Variants in PDE4D observed in about 807,000 individuals in gnomAD.
PDE4D encodes the protein phosphodiesterase 4D, also known as 3',5'-cyclic-AMP phosphodiesterase 4D.
Under a neutral mutation model 87.4 loss-of-function variants are expected in PDE4D, and 24 were observed. The ratio of observed to expected loss-of-function variants is 0.27; its 90% CI spans 0.20 to 0.39. The LOEUF is 0.39. PDE4D is among the 10% of genes least tolerant of loss of function. The pLI, the probability that PDE4D is intolerant of heterozygous loss-of-function variation, is 1.00. For missense variants in PDE4D, 714 were observed against 1,041.0 expected (o/e 0.69, Z 4.32); for synonymous variants, 384 against 383.2 (o/e 1.00, Z -0.02).
intron 1 of PDE4D, among the ~76,000 whole-genome samples, chr5:59,845,166 A>T (rs1251511582): frequency 6.6e-6 from 1 of 152,054 alleles, no homozygotes; most frequent in Admixed American, 6.6e-5. Context: ...GCCTCTTGAG[A>T]CTCTGATACG....
chr5:59,655,824 T>A (rs572858681), intron 1 of PDE4D, among the ~76,000 whole-genome samples: 1 of 152,290 alleles, frequency 6.6e-6, no homozygotes, highest in East Asian at 1.9e-4. Context: ...AAATCAAGAT[T>A]TAAGCAGGCT....
chr5:59,082,718 T>C (rs921712848), intron 5 of PDE4D, among the ~76,000 whole-genome samples: 2 of 151,726 alleles, frequency 1.3e-5, no homozygotes, highest in African/African-American at 4.8e-5. Flanking sequence ...ATGGGAAGAG[T>C]CAATATTATA....
chr5:59,015,327 T>G (rs1753749255), intron 6 of PDE4D, among the ~76,000 whole-genome samples: 1 of 151,760 alleles, frequency 6.6e-6, no homozygotes, highest in South Asian at 2.1e-4. Flanking sequence ...ACCATCAGAG[T>G]GAACAGGCAA....
At position 60,039,495 on chromosome 5, in the gene PDE4D, T is replaced by A. The variant is rs563510382; in HGVS notation, c.43-50778A>T. On this transcript the variant is annotated intron_variant, in intron 2 of 16. Transcript: ENST00000502484. ...GATATACCTAATGCTAAATGACAAG[T>A]TAATGGGTGCAGCACACCAGCATGG... is the stretch of plus-strand genomic sequence containing the variant. Among the ~76,000 whole-genome samples the A allele has an allele frequency of 2.9e-3, 437 of 151,694 alleles. 4 individuals are homozygous for A. Among genetic ancestry groups the A allele is most frequent in the Non-Finnish European group, 4.6e-3 (310 of 67,944 alleles).
intron 1 of PDE4D, among the ~76,000 whole-genome samples, chr5:59,713,705 G>A (rs1377045463): frequency 2.0e-5 from 3 of 152,184 alleles, no homozygotes; most frequent in Non-Finnish European, 4.4e-5. Context: ...GGTGAACTCT[G>A]TTGGAAACCT....
intron 1 of PDE4D, among the ~76,000 whole-genome samples, chr5:59,861,520 C>A (rs1169260599): frequency 1.3e-5 from 2 of 152,148 alleles, no homozygotes; most frequent in Non-Finnish European, 2.9e-5. Context: ...ATGGAGCAAC[C>A]ATTCGAAACA....
In PDE4D at chr5:60,079,577, T is replaced by C. The variant is rs149289200; in HGVS notation, c.43-90860A>G. 6.5e-3 allele frequency among the ~76,000 whole-genome samples: 986 copies of C among 152,338 alleles called. 16 individuals carry two copies. The highest frequency in any genetic ancestry group is 0.046 in the East Asian group (241 of 5,188). ...ATAAGGTATAAAGAAGGGGTCCAGTTTCTGTTTTCTGCATTTGGCTAGCCA... is the reference window on the plus strand; with the variant it reads ...ATAAGGTATAAAGAAGGGGTCCAGTCTCTGTTTTCTGCATTTGGCTAGCCA... On this transcript the variant is annotated intron_variant, in intron 2 of 16. Transcript: ENST00000502484.
chr5:60,097,288 T>TGTGTGTGTGTGTGTGTGTG (rs1562088754), intron 2 of PDE4D, among the ~76,000 whole-genome samples: 1 of 151,568 alleles, frequency 6.6e-6, no homozygotes, highest in Non-Finnish European at 1.5e-5. Flanking sequence ...TGTGTGTGTG[T>TGTGTGTGTGTGTGTGTGTG]TTAACAAATA....
intron 1 of PDE4D, among the ~76,000 whole-genome samples, chr5:59,482,119 T>A (rs1236310111): frequency 6.6e-6 from 1 of 152,134 alleles, no homozygotes; most frequent in Non-Finnish European, 1.5e-5. Context: ...GTCTCTAGGC[T>A]AGCTACAACA....
intron 5 of PDE4D, among the ~76,000 whole-genome samples, chr5:59,147,643 T>A (rs1180279192): frequency 6.6e-6 from 1 of 152,242 alleles, no homozygotes; most frequent in Non-Finnish European, 1.5e-5. Flanking sequence ...TTCAACACTT[T>A]AATTAAATGG....
At chr5:60,462,215 A>G (rs1747002717) in intron 1 of PDE4D, among the ~76,000 whole-genome samples, 1 of 152,090 alleles carries the variant, frequency 6.6e-6, no homozygotes, top group Non-Finnish European at 1.5e-5. Context: ...TCCTGCCCCA[A>G]GTGGTCCGAA....
At chr5:60,171,374 G>A (rs1451623383) in intron 2 of PDE4D, among the ~76,000 whole-genome samples, 3 of 151,984 alleles carry the variant, frequency 2.0e-5, no homozygotes, top group Non-Finnish European at 4.4e-5. Flanking sequence ...AGGCTGTTGT[G>A]CGTTTTCAGA....
At chr5:59,883,759 T>C (rs1749782073) in intron 1 of PDE4D, among the ~76,000 whole-genome samples, 2 of 152,280 alleles carry the variant, frequency 1.3e-5, no homozygotes, top group Non-Finnish European at 2.9e-5. Flanking sequence ...GATTAGTTGA[T>C]AGGAAGATCA....
intron 1 of PDE4D, among the ~76,000 whole-genome samples, chr5:60,450,020 A>C (rs1022346467): frequency 6.6e-6 from 1 of 151,374 alleles, no homozygotes; most frequent in African/African-American, 2.4e-5. Flanking sequence ...TATATACACC[A>C]AAAAACAAGT....
intron 4 of PDE4D, among the ~76,000 whole-genome samples, chr5:59,182,267 TA>T (rs1417117500): frequency 2.1e-5 from 3 of 142,620 alleles, no homozygotes; most frequent in Non-Finnish European, 4.6e-5. Context: ...TTTTTTTTTT[TA>T]AAGTTTTGAG....
At chr5:60,217,354 T>C (rs983360998) in intron 1 of PDE4D, among the ~76,000 whole-genome samples, 2 of 151,982 alleles carry the variant, frequency 1.3e-5, no homozygotes, top group Admixed American at 1.3e-4. Context: ...TTTACAACAT[T>C]ATGAATGTTT....
intron 1 of PDE4D, among the ~76,000 whole-genome samples, chr5:59,744,655 A>G (rs1759347307): frequency 6.6e-6 from 1 of 152,154 alleles, no homozygotes; most frequent in Non-Finnish European, 1.5e-5. Flanking sequence ...GTCATTGAGA[A>G]TCCTGCTGGT....
chr5:59,460,786 G>A (rs780351679), intron 1 of PDE4D, among the ~76,000 whole-genome samples: 11 of 152,124 alleles, frequency 7.2e-5, no homozygotes, highest in Non-Finnish European at 5.9e-5. Context: ...TAACCAAAAG[G>A]TTTATCTGTA....
chr5:59,478,002 G>C (rs1268058767), intron 1 of PDE4D, among the ~76,000 whole-genome samples: 3 of 151,900 alleles, frequency 2.0e-5, no homozygotes, highest in Non-Finnish European at 4.4e-5. Flanking sequence ...GAGTACACAT[G>C]GACGGAAACA....
Sources: gnomAD v4.1 joint callset for allele counts (sites outside exome capture counted in the v4.1 genomes callset) on GRCh38, gnomAD v4.1.1 for gene constraint, MANE v1.5 for transcripts, NCBI Gene and HGNC (gene_info 2026-07-23, HGNC 2026-07-21) for gene names.